The following TENM2 variants were observed in gnomAD, a reference collection of about 807,000 sequenced individuals.
TENM2 encodes the protein teneurin-2.
Under a neutral mutation model 245.2 loss-of-function variants are expected in TENM2, and 52 were observed. The observed-to-expected ratio is 0.21, with a 90% CI of 0.17 to 0.27. The LOEUF (loss-of-function observed/expected upper bound fraction) is 0.27, where lower values mean the gene tolerates loss of function less well. Ranked by LOEUF, TENM2 falls within the 10% of genes least tolerant of loss-of-function variation. The pLI is 1.00. For missense variants in TENM2, 3,046 were observed against 3,666.8 expected, an observed-to-expected ratio of 0.83 and a Z score of 4.37; for synonymous variants, 1,363 against 1,438.9, an observed-to-expected ratio of 0.95 and a Z score of 1.19.
At chr5:168,037,300 A>C (rs997959302) in intron 5 of TENM2, among the ~76,000 whole-genome samples, 2 of 152,170 alleles carry the variant, frequency 1.3e-5, no homozygotes, top group African/African-American at 4.8e-5. Flanking sequence ...TGGAATGAGA[A>C]TTACATACAG....
chr5:167,327,025 A>T (rs1180570518), intron 1 of TENM2, among the ~76,000 whole-genome samples: 6 of 152,160 alleles, frequency 3.9e-5, no homozygotes, highest in African/African-American at 7.2e-5. Context: ...ATTCTTTTTT[A>T]AAAAATTTTA....
chr5:168,113,217 G>A (rs1794820584), intron 9 of TENM2, among the ~76,000 whole-genome samples: 1 of 152,084 alleles, frequency 6.6e-6, no homozygotes, highest in Non-Finnish European at 1.5e-5. Flanking sequence ...ATGCTCTGGA[G>A]GCTGAGGCAG....
the TENM2 span, among the ~76,000 whole-genome samples, chr5:167,071,105 G>C: frequency 6.6e-6 from 1 of 152,028 alleles, no homozygotes; most frequent in Non-Finnish European, 1.5e-5. Flanking sequence ...AGCCCTGTGT[G>C]CTTCTATTTG....
the TENM2 span, among the ~76,000 whole-genome samples, chr5:167,174,117 T>C: frequency 5.3e-5 from 8 of 152,068 alleles, no homozygotes; most frequent in Admixed American, 2.6e-4. Flanking sequence ...TCGTTTTTTT[T>C]TTTTTCCTTG....
intron 11 of TENM2, among the ~76,000 whole-genome samples, chr5:168,126,550 G>A (rs1030187545): frequency 6.6e-6 from 1 of 152,024 alleles, no homozygotes; most frequent in Non-Finnish European, 1.5e-5. Flanking sequence ...TTGGTCCAGG[G>A]GCCACACTTT....
intron 5 of TENM2, among the ~76,000 whole-genome samples, chr5:168,016,015 T>A (rs1040657830): frequency 2.0e-5 from 3 of 152,158 alleles, no homozygotes; most frequent in Non-Finnish European, 4.4e-5. Context: ...ATTCCCCTCC[T>A]TCTGCACTGT....
chr5:167,266,891 A>C, the TENM2 span, among the ~76,000 whole-genome samples: 2 of 152,170 alleles, frequency 1.3e-5, no homozygotes, highest in African/African-American at 4.8e-5. Flanking sequence ...ATAAGTAGAG[A>C]CAGTGCAACC....
intron 2 of TENM2, among the ~76,000 whole-genome samples, chr5:167,810,361 T>C (rs984281031): frequency 6.6e-6 from 1 of 152,082 alleles, no homozygotes; most frequent in African/African-American, 2.4e-5. Context: ...TAACTTGAAA[T>C]GTAAAGCTTC....
intron 2 of TENM2, among the ~76,000 whole-genome samples, chr5:167,557,111 G>A (rs938774423): frequency 6.6e-5 from 10 of 152,096 alleles, no homozygotes; most frequent in East Asian, 1.9e-4. Flanking sequence ...GCGTGTGTGC[G>A]TGTACACAGA....
At chr5:167,181,714 A>G in the TENM2 span, among the ~76,000 whole-genome samples, 4 of 152,212 alleles carry the variant, frequency 2.6e-5, no homozygotes, top group African/African-American at 4.8e-5. Context: ...CCAATTCTGT[A>G]TGTAATAAAA....
chr5:167,407,588 C>T (rs1055109952), intron 2 of TENM2, among the ~76,000 whole-genome samples: 43 of 152,096 alleles, frequency 2.8e-4, no homozygotes, highest in African/African-American at 8.9e-4. Context: ...GAGGCTGAGG[C>T]GGGCAGATCA....
At chr5:167,346,495 A>T (rs946768895) in intron 1 of TENM2, among the ~76,000 whole-genome samples, 5 of 152,216 alleles carry the variant, frequency 3.3e-5, no homozygotes, top group African/African-American at 1.2e-4. Flanking sequence ...AAGATATTAA[A>T]ATTTGCTCTC....
intron 2 of TENM2, among the ~76,000 whole-genome samples, chr5:167,622,109 A>G (rs1410771284): frequency 1.3e-5 from 2 of 152,170 alleles, no homozygotes; most frequent in African/African-American, 4.8e-5. Flanking sequence ...CATACTTGCA[A>G]TTTATCTTTA....
chr5:167,987,734 C>T (rs1455419064), intron 4 of TENM2, among the ~76,000 whole-genome samples: 2 of 152,044 alleles, frequency 1.3e-5, no homozygotes, highest in Admixed American at 1.3e-4. Context: ...GTACAAATTC[C>T]TGGGACCAGG....
At chr5:167,622,245 C>G (rs1778224356) in intron 2 of TENM2, among the ~76,000 whole-genome samples, 1 of 152,082 alleles carries the variant, frequency 6.6e-6, no homozygotes, top group Non-Finnish European at 1.5e-5. Flanking sequence ...TGATGAGAAG[C>G]ACCCCTCTGG....
chr5:168,010,681 G>C (rs1460941048), intron 5 of TENM2, among the ~76,000 whole-genome samples: 1 of 152,208 alleles, frequency 6.6e-6, no homozygotes, highest in Non-Finnish European at 1.5e-5. Flanking sequence ...GATGTTCATG[G>C]GGAAAAGCCC....
the TENM2 span, among the ~76,000 whole-genome samples, chr5:167,014,817 A>G: frequency 1.3e-5 from 2 of 152,212 alleles, no homozygotes; most frequent in Non-Finnish European, 2.9e-5. Flanking sequence ...ACCAAACACT[A>G]TCAATCCCAG....
chr5:168,118,848 C>T (rs1795274855), intron 10 of TENM2, among the ~76,000 whole-genome samples: 1 of 151,936 alleles, frequency 6.6e-6, no homozygotes, highest in South Asian at 2.1e-4. Flanking sequence ...TGTTCCTTTC[C>T]CTCGCCCTAT....
the TENM2 span, among the ~76,000 whole-genome samples, chr5:167,068,136 T>G: frequency 4.6e-5 from 7 of 152,204 alleles, no homozygotes; most frequent in African/African-American, 1.7e-4. Flanking sequence ...TGCTCGAATT[T>G]AACAGCATCA....
Sources: gnomAD v4.1 joint callset for allele counts (sites outside exome capture counted in the v4.1 genomes callset) on GRCh38, gnomAD v4.1.1 for gene constraint, MANE v1.5 for transcripts, NCBI Gene and HGNC (gene_info 2026-07-23, HGNC 2026-07-21) for gene names.